Variants in HSD17B4 observed in about 807,000 individuals in gnomAD.
HSD17B4 encodes the protein hydroxysteroid 17-beta dehydrogenase 4, also known as peroxisomal multifunctional enzyme type 2.
A neutral mutation model predicts 101.0 loss-of-function variants in HSD17B4; 70 were observed. The observed-to-expected ratio is 0.69, with a 90% CI of 0.57 to 0.85. The LOEUF is 0.85. Ranked by LOEUF, HSD17B4 falls within the 40% of genes least tolerant of loss-of-function variation. The pLI is 0.00. For synonymous variants in HSD17B4, 347 were observed against 297.1 expected, an observed-to-expected ratio of 1.17 and a Z score of -1.73; for missense variants, 984 against 892.4, an observed-to-expected ratio of 1.10 and a Z score of -1.31.
chr5:119,514,874 G>A lies in HSD17B4; in HGVS notation c.1438-107G>A, dbSNP rs758960142. 179 of 746,496 alleles carry A rather than the reference G, an allele frequency of 2.4e-4. 1 individual carries two copies. In the Middle Eastern group the frequency reaches 5.4e-3, roughly 23 times the overall value. The allele number at this position is 746,496 out of a possible 1,614,324, so 46.2% of individuals were successfully genotyped here. A position where few individuals can be genotyped will look rare whatever the true frequency, so the allele number is the denominator to read the frequency against. Reference sequence around the variant, plus strand: ...TTTTTTAAACCCTTTTATCCAATTTGCAGAGTTTATTGTATTGAAACATGA... The same window carrying A: ...TTTTTTAAACCCTTTTATCCAATTTACAGAGTTTATTGTATTGAAACATGA... On this transcript the variant is annotated intron_variant, in intron 16 of 23. Transcript: ENST00000510025.
intron 2 of HSD17B4, among the ~76,000 whole-genome samples, chr5:119,469,606 G>C (rs1171003288): frequency 6.6e-6 from 1 of 152,052 alleles, no homozygotes; most frequent in African/African-American, 2.4e-5. Flanking sequence ...CCACCTGCCT[G>C]GGCCTCCCAA....
intron 15 of HSD17B4, among the ~76,000 whole-genome samples, chr5:119,507,522 G>A (rs1282085107): frequency 6.6e-6 from 1 of 152,106 alleles, no homozygotes; most frequent in African/African-American, 2.4e-5. Flanking sequence ...GGTGGCTCAC[G>A]CCTGTAATCC....
chr5:119,461,098 C>G (rs1462917310), intron 2 of HSD17B4, among the ~76,000 whole-genome samples: 1 of 152,092 alleles, frequency 6.6e-6, no homozygotes, highest in Non-Finnish European at 1.5e-5. Flanking sequence ...AACTTTTACC[C>G]TGAGATGGGG....
At chr5:119,471,505 A>C in intron 2 of HSD17B4, 1 of 410,882 alleles carries the variant, frequency 2.4e-6, no homozygotes, top group Non-Finnish European at 4.3e-6. Context: ...CTCTCACCCC[A>C]GTTTTAAAAA....
intron 19 of HSD17B4, 121 bp downstream of exon 19, chr5:119,526,144 T>A (rs1753574803): frequency 1.4e-6 from 1 of 699,898 alleles, no homozygotes; most frequent in African/African-American, 1.8e-5. Context: ...ACATTTTTAT[T>A]ATTTCATTGA....
At chr5:119,500,985 G>C (rs565038441) in intron 13 of HSD17B4, among the ~76,000 whole-genome samples, 3 of 152,268 alleles carry the variant, frequency 2.0e-5, no homozygotes, top group Admixed American at 1.3e-4. Context: ...TGGTGGATCA[G>C]TTAGCCCATT....
At chr5:119,502,133 A>G in intron 14 of HSD17B4, 41 bp downstream of exon 14, 1 of 1,270,578 alleles carries the variant, frequency 7.9e-7, no homozygotes, top group African/African-American at 1.5e-5. Context: ...CCATACTTTT[A>G]TTTCCAGATT....
intron 2 of HSD17B4, among the ~76,000 whole-genome samples, chr5:119,457,442 T>C (rs2126615738): frequency 6.6e-6 from 1 of 152,378 alleles, no homozygotes; most frequent in Non-Finnish European, 1.5e-5. Context: ...TCATTGTGGA[T>C]GTGTAGCTTA....
At chr5:119,530,841 G>A (rs1404685915) in intron 21 of HSD17B4, among the ~76,000 whole-genome samples, 1 of 91,712 alleles carries the variant, frequency 1.1e-5, no homozygotes, top group African/African-American at 4.2e-5. Context: ...CGACAAGTCT[G>A]TCTCAAAAAA....
At chr5:119,512,799 G>A (rs1752293885) in intron 16 of HSD17B4, among the ~76,000 whole-genome samples, 1 of 152,276 alleles carries the variant, frequency 6.6e-6, no homozygotes, top group African/African-American at 2.4e-5. Flanking sequence ...CAGAAAGTAG[G>A]TTAGATGTTG....
At chr5:119,481,454 A>G (rs1749124113) in intron 8 of HSD17B4, among the ~76,000 whole-genome samples, 1 of 152,150 alleles carries the variant, frequency 6.6e-6, no homozygotes. Flanking sequence ...AACACTTTAA[A>G]TACAGGCATA....
At chr5:119,531,426 A>G (rs933548201) in intron 22 of HSD17B4, 22 bp downstream of exon 22, 3 of 1,602,390 alleles carry the variant, frequency 1.9e-6, no homozygotes, top group African/African-American at 2.7e-5. Context: ...CCCTGATTTT[A>G]TAATATTCTA....
rs778352791 is a variant in HSD17B4 at position 119,536,521 on chromosome 5, G to T, written c.2092G>T (p.Val698Leu). The T allele has an allele frequency of 1.9e-6, 3 of 1,611,970 alleles. No individual in the cohort carries two copies. The African/African-American group carries it at 4.0e-5, about 22-fold the overall frequency. Residue 698 changes from valine to leucine, a missense_variant, in exon 23 of 24, where the codon GTG becomes TTG. By Grantham distance (32) the Val-to-Leu change is conservative. Coordinates refer to ENST00000510025, the MANE Select transcript of HSD17B4 (RefSeq NM_000414.4). ...IILSDEDFME[V>L]VLGKLDPQKA... ...ACTTTCAGATGAAGATTTCATGGAG[G>T]TGGTCCTGGGCAAGCTTGACCCTCA... is the stretch of plus-strand genomic sequence containing the variant.
chr5:119,470,009 T>C (rs1354121541), intron 2 of HSD17B4, among the ~76,000 whole-genome samples: 1 of 151,934 alleles, frequency 6.6e-6, no homozygotes, highest in Non-Finnish European at 1.5e-5. Context: ...GGGGGAAGGG[T>C]TGCTGGTGGT....
chr5:119,539,283 G>A (rs1438246015), intron 23 of HSD17B4, among the ~76,000 whole-genome samples: 2 of 152,094 alleles, frequency 1.3e-5, no homozygotes, highest in Non-Finnish European at 2.9e-5. Flanking sequence ...CATGTCCTTT[G>A]TAGGGACATG....
At chr5:119,539,650 GACTA>G (rs1356366329) in intron 23 of HSD17B4, among the ~76,000 whole-genome samples, 1 of 151,226 alleles carries the variant, frequency 6.6e-6, no homozygotes, top group East Asian at 1.9e-4. Flanking sequence ...AAATAGAAAT[GACTA>G]ACATACAAAA....
intron 8 of HSD17B4, among the ~76,000 whole-genome samples, chr5:119,481,626 A>C (rs1749143111): frequency 8.0e-6 from 1 of 124,750 alleles, no homozygotes. Context: ...GTAGATCTAA[A>C]CCATATACAT....
Position 119,512,563 on chromosome 5 carries a change from G to GA in HSD17B4, c.1438-2406dup, listed in dbSNP as rs552316949. On this transcript the variant is annotated intron_variant, in intron 16 of 23. Transcript: ENST00000510025. ...GCTAATGTATTCAGAGTGCTGAAAG[G>GA]AAAAAAAAAAAATACCACAAGGTCA... Among the ~76,000 whole-genome samples the GA allele has an allele frequency of 2.8e-3, 396 of 139,664 alleles. 1 individual carries two copies. Among genetic ancestry groups the GA allele is most frequent in the African/African-American group, 7.2e-3 (276 of 38,180 alleles). The allele number at this position is 139,664 out of a possible 152,430, so 91.6% of individuals were successfully genotyped here.
chr5:119,527,144 A>G lies in HSD17B4; in HGVS notation c.1692A>G (p.Ala564=). ...ATTCTTTTTTAAAGGCTCGTTTTGCAAAACCAGTATATCCAGGACAAACTC... is the reference window on the plus strand; with the variant it reads ...ATTCTTTTTTAAAGGCTCGTTTTGCGAAACCAGTATATCCAGGACAAACTC... The part of the protein sequence containing the change: ...SRFKAIKARF[A]KPVYPGQTLQ... The change falls in exon 20 of 24, where the codon GCA becomes GCG. Residue 564 remains alanine (A), a synonymous_variant. Transcript: ENST00000510025. 1 of 1,599,942 alleles carries G rather than the reference A, an allele frequency of 6.3e-7. No individual in the cohort carries two copies.
Sources: gnomAD v4.1 joint callset for allele counts (sites outside exome capture counted in the v4.1 genomes callset) on GRCh38, gnomAD v4.1.1 for gene constraint, MANE v1.5 for transcripts, NCBI Gene and HGNC (gene_info 2026-07-23, HGNC 2026-07-21) for gene names.